The following TIMM44 variants were observed in gnomAD, a reference collection of about 807,000 sequenced individuals.
TIMM44 encodes the protein mitochondrial import inner membrane translocase subunit TIM44.
In TIMM44, 37 loss-of-function variants were observed where a neutral mutation model predicts 63.8. That is an observed-to-expected ratio of 0.58 (90% CI 0.45 to 0.76). TIMM44 has a LOEUF of 0.76. Ranked by LOEUF, TIMM44 falls within the 30% of genes least tolerant of loss-of-function variation. TIMM44 has a pLI of 0.00. For missense variants in TIMM44, 573 were observed against 603.8 expected, an observed-to-expected ratio of 0.95 and a Z score of 0.54; for synonymous variants, 239 against 245.1, an observed-to-expected ratio of 0.98 and a Z score of 0.23.
At position 7,927,239 on chromosome 19, in the gene TIMM44, G is replaced by A. The variant is rs143337629; in HGVS notation, c.1307C>T (p.Ala436Val). The change falls in exon 13 of 13, where the codon GCG (alanine) becomes GTG (valine). Residue 436 changes from alanine to valine, a missense_variant. By Grantham distance (64) the Ala-to-Val change is moderately conservative (BLOSUM62 0). Transcript: ENST00000270538. ...CRDQDELNPY[A>V]AWRLLDISAS... ...CGAGATGTCCAGGAGCCGCCAGGCC[G>A]CGTAGGGGTTGAGCTCGTCCTGGTC... 34 of 1,612,304 alleles carry A rather than the reference G, an allele frequency of 2.1e-5. No individual in the cohort carries two copies. Among genetic ancestry groups the A allele is most frequent in the Non-Finnish European group, 2.5e-5 (30 of 1,179,936 alleles).
chr19:7,928,923 C>CAAAAAAAA (rs758167153), intron 10 of TIMM44: 29 of 70,016 alleles, frequency 4.1e-4, no homozygotes, highest in East Asian at 8.7e-4. Context: ...AACAAAAAAC[C>CAAAAAAAA]AAAAAAAAAA....
chr19:7,943,473 A>C lies in TIMM44; in HGVS notation c.45+134T>G. On this transcript the variant is annotated intron_variant, in intron 1 of 12. Coordinates refer to ENST00000270538, the MANE Select transcript of TIMM44 (RefSeq NM_006351.4). The surrounding 1 kb of genome is among the most constrained non-coding windows in gnomAD (Gnocchi z 4.3). Reference sequence around the variant, plus strand: ...CCCCCTGTCCTGGCCTCTGCTACCCAAAGATCTAACCCCAAGCTTTCTAAG... The same window carrying C: ...CCCCCTGTCCTGGCCTCTGCTACCCCAAGATCTAACCCCAAGCTTTCTAAG... 2.7e-6 allele frequency: 3 copies of C among 1,114,320 alleles called. No individual in the cohort carries two copies. Among genetic ancestry groups the C allele is most frequent in the Non-Finnish European group, 3.9e-6 (3 of 767,992 alleles). 69.0% of individuals were successfully genotyped at this position (1,114,320 alleles called of 1,614,324 possible). A position where few individuals can be genotyped will look rare whatever the true frequency, so the allele number is the denominator to read the frequency against.
intron 10 of TIMM44, chr19:7,928,456 G>A (rs1983881430): frequency 4.3e-6 from 2 of 461,142 alleles, no homozygotes; most frequent in Non-Finnish European, 7.8e-6. Flanking sequence ...TACTCCCAGG[G>A]CTAAGCTGGC....
At chr19:7,937,491 G>C (rs921514174) in intron 3 of TIMM44, among the ~76,000 whole-genome samples, 4 of 152,206 alleles carry the variant, frequency 2.6e-5, no homozygotes, top group African/African-American at 4.8e-5. Flanking sequence ...CACTGCTGCT[G>C]GTCTGGGGAC....
rs750306504 is a variant in TIMM44 at position 7,934,211 on chromosome 19, G to C, written c.421C>G (p.Leu141Val). The C allele has an allele frequency of 3.7e-6, 6 of 1,613,080 alleles. No individual in the cohort carries two copies. Among genetic ancestry groups the C allele is most frequent in the Non-Finnish European group, 5.1e-6 (6 of 1,179,982 alleles). Reference sequence around the variant, plus strand: ...ACGCCCTCCTTGATTTTCCGGCCGAGATCACTTTTACTGACTTCGTGAAGG... The same window carrying C: ...ACGCCCTCCTTGATTTTCCGGCCGACATCACTTTTACTGACTTCGTGAAGG... Reference protein sequence around the residue: ...ESLHEVSKSDLGRKIKEGVEE... With the variant: ...ESLHEVSKSDVGRKIKEGVEE... Residue 141 changes from leucine (L) to valine (V), a missense_variant, in exon 5 of 13, where the codon CTC becomes GTC. Leu to Val is a conservative substitution (Grantham distance 32). Transcript: ENST00000270538. The surrounding 1 kb of genome is among the most constrained non-coding windows in gnomAD (Gnocchi z 5.3).
chr19:7,929,284 C>T (rs8104881), intron 10 of TIMM44, among the ~76,000 whole-genome samples: 22,673 of 152,192 alleles, frequency 0.15, 2,265 homozygotes, highest in Non-Finnish European at 0.22. Context: ...TGGTGGCCCC[C>T]GAACCCCAAG....
rs753278736 is a variant in TIMM44 at position 7,933,606 on chromosome 19, C to T, written c.684-36G>A. 44 of 1,578,098 alleles carry T rather than the reference C, an allele frequency of 2.8e-5. No individual in the cohort carries two copies. Among genetic ancestry groups the T allele is most frequent in the East Asian group, 6.7e-5 (3 of 44,690 alleles). On this transcript the variant is annotated intron_variant, in intron 6 of 12. Coordinates refer to ENST00000270538, the MANE Select transcript of TIMM44 (RefSeq NM_006351.4). This position sits in a 1 kb window ranked among gnomAD's most constrained non-coding sequence, Gnocchi z 4.3. Reference sequence around the variant, plus strand: ...GGGTGGGCCCTGGGGTGAGCGGCGGCGCCAGGGCCACCCTGTGCCCTCCTG... The same window carrying T: ...GGGTGGGCCCTGGGGTGAGCGGCGGTGCCAGGGCCACCCTGTGCCCTCCTG...
At chr19:7,931,416 C>T (rs959444023) in intron 9 of TIMM44, 36 of 554,224 alleles carry the variant, frequency 6.5e-5, no homozygotes, top group African/African-American at 1.1e-4. Flanking sequence ...GGGCGGCCTG[C>T]GGGCGACCAC....
intron 2 of TIMM44, among the ~76,000 whole-genome samples, chr19:7,938,674 G>A (rs913750955): frequency 4.6e-5 from 7 of 152,168 alleles, no homozygotes; most frequent in Non-Finnish European, 1.0e-4. Context: ...GCGCATGGTG[G>A]TGTGTGCCTT....
chr19:7,933,042 G>T lies in TIMM44; in HGVS notation c.770-110C>A. Reference sequence around the variant, plus strand: ...CCCCTGCGGGATCCACCCTGACACGGGTGGGGTCAGGGAGGGGACGGCTGT... The same window carrying T: ...CCCCTGCGGGATCCACCCTGACACGTGTGGGGTCAGGGAGGGGACGGCTGT... On this transcript the variant is annotated intron_variant, in intron 7 of 12. Transcript: ENST00000270538. This position sits in a 1 kb window ranked among gnomAD's most constrained non-coding sequence, Gnocchi z 4.3. 1 of 875,112 alleles carries T rather than the reference G, an allele frequency of 1.1e-6. No individual in the cohort carries two copies. 54.2% of individuals were successfully genotyped at this position (875,112 alleles called of 1,614,324 possible). A position where few individuals can be genotyped will look rare whatever the true frequency, so the allele number is the denominator to read the frequency against.
intron 1 of TIMM44, among the ~76,000 whole-genome samples, 155 bp from the exon 2 acceptor site, chr19:7,941,352 A>T (rs1260991233): frequency 6.7e-6 from 1 of 149,218 alleles, no homozygotes; most frequent in East Asian, 2.0e-4. Flanking sequence ...CAGTGCTGCG[A>T]TCTCAGCTCC....
rs1177243122 is a variant in TIMM44 at position 7,932,826 on chromosome 19, G to A, written c.862+14C>T. 1.9e-6 allele frequency: 3 copies of A among 1,614,192 alleles called. No homozygotes were observed. Among genetic ancestry groups the A allele is most frequent in the South Asian group, 2.2e-5 (2 of 91,092 alleles). ...CCACCACCAGCCTGCGAGGTCCAGG[G>A]ATGACTCACTCACCCAGCAAGTCGG... On this transcript the variant is annotated intron_variant, in intron 8 of 12. Coordinates refer to ENST00000270538, the MANE Select transcript of TIMM44 (RefSeq NM_006351.4).
At chr19:7,927,795 G>A in intron 11 of TIMM44, 28 bp from the exon 12 acceptor site, 1 of 1,597,788 alleles carries the variant, frequency 6.3e-7, no homozygotes, top group Non-Finnish European at 8.5e-7. Context: ...GGGGGGATGT[G>A]CCTCAGAGGA....
At chr19:7,929,735 G>A (rs1466767604) in intron 10 of TIMM44, among the ~76,000 whole-genome samples, 1 of 151,524 alleles carries the variant, frequency 6.6e-6, no homozygotes, top group African/African-American at 2.4e-5. Flanking sequence ...CTGACCCCCG[G>A]CCCCAGCCTG....
chr19:7,938,972 A>C (rs774824277), intron 2 of TIMM44, among the ~76,000 whole-genome samples: 1 of 151,894 alleles, frequency 6.6e-6, no homozygotes, highest in Non-Finnish European at 1.5e-5. Flanking sequence ...GGAAAAGGCA[A>C]AACTAAGGGG....
Position 7,934,299 on chromosome 19 carries a change from CAGG to C in TIMM44, c.394-64_394-62del. The C allele has an allele frequency of 6.3e-7, 1 of 1,596,060 alleles. No individual in the cohort carries two copies. The highest frequency in any genetic ancestry group is 8.5e-7 in the Non-Finnish European group (1 of 1,174,408). ...CGGCCCTGGCGGCCGGGGGGCGGGG[CAGG>C]AGGAATGAATTCCTGCCGGAGAGAA... is the stretch of plus-strand genomic sequence containing the variant. On this transcript the variant is annotated intron_variant, in intron 4 of 12. Coordinates refer to ENST00000270538, the MANE Select transcript of TIMM44 (RefSeq NM_006351.4). The surrounding 1 kb of genome is among the most constrained non-coding windows in gnomAD (Gnocchi z 5.3).
chr19:7,940,596 C>G (rs534165341), intron 2 of TIMM44, among the ~76,000 whole-genome samples: 1 of 152,006 alleles, frequency 6.6e-6, no homozygotes, highest in African/African-American at 2.4e-5. Flanking sequence ...ACGCGCTGCC[C>G]GAATGTACAG....
Position 7,935,085 on chromosome 19 carries a change from G to C in TIMM44, c.373C>G (p.Leu125Val). The change falls in exon 4 of 13, where the codon CTG (leucine) becomes GTG (valine). Residue 125 changes from leucine (L) to valine (V), a missense_variant. Transcript: ENST00000270538. The part of the protein sequence containing the change: ...SEVLRKKLGE[L>V]TGTVKESLHE... ...GTTACCTCCTTCACGGTGCCCGTCA[G>C]CTCCCCAAGCTTCTTCCGTAGCACC... 6.2e-7 allele frequency: 1 copy of C among 1,613,428 alleles called. No individual in the cohort carries two copies. The highest frequency in any genetic ancestry group is 8.5e-7 in the Non-Finnish European group (1 of 1,179,804).
intron 1 of TIMM44, among the ~76,000 whole-genome samples, chr19:7,942,454 C>T (rs1984335807): frequency 6.6e-6 from 1 of 151,860 alleles, no homozygotes. Context: ...AAAAAAAGCT[C>T]TGTGCAGGTC....
Sources: allele counts gnomAD v4.1 joint callset (sites outside exome capture counted in the v4.1 genomes callset), GRCh38; gene constraint gnomAD v4.1.1; non-coding constraint Gnocchi (gnomAD v3.1); transcripts MANE v1.5; gene names NCBI Gene and HGNC (gene_info 2026-07-23, HGNC 2026-07-21).